Variants in HDAC8 observed in about 807,000 individuals in gnomAD.
HDAC8 encodes histone deacetylase-like 1.
HDAC8 carries 1 observed loss-of-function variant against 32.2 expected under a neutral mutation model. The ratio of observed to expected loss-of-function variants is 0.03; its 90% CI spans 0.01 to 0.15. The LOEUF is 0.15. Ranked by LOEUF, HDAC8 falls within the 10% of genes least tolerant of loss-of-function variation. The probability of loss-of-function intolerance (pLI) is 1.00; values close to 1 mark genes in which losing one functional copy is unlikely to be tolerated. For synonymous variants in HDAC8, 108 were observed against 113.9 expected, an observed-to-expected ratio of 0.95 and a Z score of 0.33; for missense variants, 117 against 300.0, an observed-to-expected ratio of 0.39 and a Z score of 4.51.
At chrX:72,519,897 G>A (rs2049930350) in intron 4 of HDAC8, among the ~76,000 whole-genome samples, 1 of 112,183 alleles carries the variant, frequency 8.9e-6, no homozygotes, top group Non-Finnish European at 1.9e-5. Context: ...GCTGCACCTG[G>A]CCCATATATT....
chrX:72,385,685 T>C (rs1399623539), intron 9 of HDAC8, among the ~76,000 whole-genome samples: 2 of 111,703 alleles, frequency 1.8e-5, no homozygotes, highest in Admixed American at 1.9e-4. Flanking sequence ...TAGCTTACCA[T>C]GTTTTGCTCA....
intron 2 of HDAC8, among the ~76,000 whole-genome samples, chrX:72,571,494 G>T (rs932944162): frequency 6.7e-5 from 7 of 104,628 alleles, no homozygotes; most frequent in Non-Finnish European, 1.4e-4. Flanking sequence ...AACCTTAACT[G>T]CTTCCTGCAC....
At chrX:72,453,367 G>A (rs1237960489) in intron 9 of HDAC8, among the ~76,000 whole-genome samples, 1 of 108,231 alleles carries the variant, frequency 9.2e-6, no homozygotes, top group African/African-American at 3.4e-5. Flanking sequence ...TGAGGTGGGA[G>A]GATCGCTTGA....
At chrX:72,507,270 A>G (rs1345091314) in intron 4 of HDAC8, among the ~76,000 whole-genome samples, 7 of 111,880 alleles carry the variant, frequency 6.3e-5, no homozygotes, top group Non-Finnish European at 1.3e-4. Context: ...CAGAAACAAT[A>G]CCAACAAGAG....
At chrX:72,431,902 C>T (rs1447056210) in intron 9 of HDAC8, among the ~76,000 whole-genome samples, 2 of 111,947 alleles carry the variant, frequency 1.8e-5, no homozygotes, top group Non-Finnish European at 1.9e-5. Context: ...CTCAAACAAT[C>T]GAGGCTTAGA....
intron 9 of HDAC8, among the ~76,000 whole-genome samples, chrX:72,389,922 TG>T (rs1230839498): frequency 9.0e-6 from 1 of 111,693 alleles, no homozygotes; most frequent in Non-Finnish European, 1.9e-5. Flanking sequence ...GAGGGTACCA[TG>T]GGGGGCAGGG....
intron 4 of HDAC8, among the ~76,000 whole-genome samples, chrX:72,504,888 A>G (rs2049339617): frequency 9.1e-6 from 1 of 110,457 alleles, no homozygotes; most frequent in Non-Finnish European, 1.9e-5. Context: ...TTTGTTTTTA[A>G]ATTCTAGCCA....
At chrX:72,512,638 T>A (rs2049626240) in intron 4 of HDAC8, among the ~76,000 whole-genome samples, 1 of 110,614 alleles carries the variant, frequency 9.0e-6, no homozygotes, top group Non-Finnish European at 1.9e-5. Flanking sequence ...AAATAGGAAA[T>A]CTACCCCAGA....
In HDAC8 at chrX:72,440,909, C is replaced by T. The variant is rs6624616; in HGVS notation, c.1005+21095G>A. 6.2e-5 allele frequency among the ~76,000 whole-genome samples: 7 copies of T among 112,780 alleles called. No individual in the cohort carries two copies. The East Asian group carries it at 8.4e-4, about 14-fold the overall frequency. Reference sequence around the variant, plus strand: ...CCGCACCTGGCTTGGGGGGGTCCTACGCCCACGGAGTCTTGCTGATCGCTA... The same window carrying T: ...CCGCACCTGGCTTGGGGGGGTCCTATGCCCACGGAGTCTTGCTGATCGCTA... On this transcript the variant is annotated intron_variant, in intron 9 of 10. Coordinates refer to ENST00000373573, the MANE Select transcript of HDAC8 (RefSeq NM_018486.3).
rs1316530785 is a variant in HDAC8 at position 72,519,096 on chromosome X, G to A, written c.438-23828C>T. 3.6e-5 allele frequency among the ~76,000 whole-genome samples: 4 copies of A among 112,293 alleles called. No individual in the cohort carries two copies. In the East Asian group the frequency reaches 8.3e-4, roughly 23 times the overall value. On this transcript the variant is annotated intron_variant, in intron 4 of 10. Transcript: ENST00000373573. The stretch of plus-strand genomic sequence containing the variant: ...CAAGTCAATTGTGTAAATAACCTAG[G>A]AGCACGTTTGCTGAGCATAATGTTT...
At chrX:72,345,256 G>T (rs948517149) in intron 10 of HDAC8, among the ~76,000 whole-genome samples, 14 of 111,218 alleles carry the variant, frequency 1.3e-4, no homozygotes, top group Non-Finnish European at 2.3e-4. Flanking sequence ...TTGGGAACCT[G>T]AGCAGGGGGA....
chrX:72,440,292 A>G (rs1415989850), intron 9 of HDAC8, among the ~76,000 whole-genome samples: 1 of 111,840 alleles, frequency 8.9e-6, no homozygotes, highest in Non-Finnish European at 1.9e-5. Context: ...CAAAGATACA[A>G]TGTACCAGAA....
At chrX:72,489,544 G>A (rs1278453728) in intron 6 of HDAC8, among the ~76,000 whole-genome samples, 1 of 110,868 alleles carries the variant, frequency 9.0e-6, no homozygotes, top group Non-Finnish European at 1.9e-5. Flanking sequence ...AAACTGGCTA[G>A]CCATATGTAG....
chrX:72,435,974 GA>G (rs782029858), intron 9 of HDAC8, among the ~76,000 whole-genome samples: 3 of 104,303 alleles, frequency 2.9e-5, no homozygotes, highest in South Asian at 4.2e-4. Flanking sequence ...TCTCAACAAA[GA>G]AAAAAAAATT....
At chrX:72,502,646 G>C (rs1488373877) in intron 4 of HDAC8, among the ~76,000 whole-genome samples, 1 of 111,369 alleles carries the variant, frequency 9.0e-6, no homozygotes, top group African/African-American at 3.3e-5. Flanking sequence ...ATTTTGGCCG[G>C]GCGTGGTGGC....
chrX:72,354,704 G>A (rs908517789), intron 9 of HDAC8, among the ~76,000 whole-genome samples: 11 of 111,233 alleles, frequency 9.9e-5, no homozygotes, highest in Non-Finnish European at 1.9e-5. Flanking sequence ...AGCTTTTGGG[G>A]GTACAAGTAG....
chrX:72,462,161 G>C (rs2047886035), intron 8 of HDAC8, 63 bp from the exon 9 acceptor site: 5 of 861,403 alleles, frequency 5.8e-6, no homozygotes, highest in Middle Eastern at 5.5e-4. Flanking sequence ...GAGAGGGAAG[G>C]GGGGTAAGGA....
At chrX:72,452,944 T>C (rs1401887127) in intron 9 of HDAC8, among the ~76,000 whole-genome samples, 5 of 109,778 alleles carry the variant, frequency 4.6e-5, no homozygotes, top group African/African-American at 1.7e-4. Flanking sequence ...CTTAAGGAGG[T>C]AAAAAAAATA....
chrX:72,447,390 C>G (rs1436131579), intron 9 of HDAC8, among the ~76,000 whole-genome samples: 1 of 112,021 alleles, frequency 8.9e-6, no homozygotes, highest in Non-Finnish European at 1.9e-5. Flanking sequence ...TTCAACACCC[C>G]TTCATGCTAA....
Sources: gnomAD v4.1 joint callset for allele counts (sites outside exome capture counted in the v4.1 genomes callset) on GRCh38, gnomAD v4.1.1 for gene constraint, MANE v1.5 for transcripts, NCBI Gene and HGNC (gene_info 2026-07-23, HGNC 2026-07-21) for gene names.